The following IL17RD variants were observed in gnomAD, a reference collection of about 807,000 sequenced individuals.
The protein encoded by IL17RD is interleukin 17 receptor D.
In IL17RD, 52 loss-of-function variants were observed where a neutral mutation model predicts 80.5. The observed-to-expected ratio is 0.65, with a 90% CI of 0.52 to 0.81. The LOEUF (loss-of-function observed/expected upper bound fraction) is 0.81, where lower values mean the gene tolerates loss of function less well. Ranked by LOEUF, IL17RD falls within the 40% of genes least tolerant of loss-of-function variation. IL17RD has a pLI of 0.00. For synonymous variants in IL17RD, 416 were observed against 391.8 expected (o/e 1.06, Z -0.73); for missense variants, 1,024 against 955.1 (o/e 1.07, Z -0.95).
Position 57,127,412 on chromosome 3 carries a change from A to ATATATATATTTTT in IL17RD, c.127-7100_127-7099insAAAAATATATATA, listed in dbSNP as rs1246159104. ...AATAAATAAATATATATATATATAT[A>ATATATATATTTTT]TTTTTTTTTTGAGATAAGAGTCTTG... On this transcript the variant is annotated intron_variant, in intron 1 of 12. Coordinates refer to ENST00000296318, the MANE Select transcript of IL17RD (RefSeq NM_017563.5). 2.5e-4 allele frequency among the ~76,000 whole-genome samples: 23 copies of ATATATATATTTTT among 91,214 alleles called. 1 individual carries two copies. The highest frequency in any genetic ancestry group is 1.1e-3 in the African/African-American group (23 of 20,442). The allele number at this position is 91,214 out of a possible 152,430, so 59.8% of individuals were successfully genotyped here. A position where few individuals can be genotyped will look rare whatever the true frequency, so the allele number is the denominator to read the frequency against.
intron 2 of IL17RD, among the ~76,000 whole-genome samples, chr3:57,118,128 G>A (rs1707255236): frequency 6.6e-6 from 1 of 152,164 alleles, no homozygotes; most frequent in South Asian, 2.1e-4. Flanking sequence ...AGGACCAAGA[G>A]CACATATTAG....
At chr3:57,127,273 AAAATATATAT>A (rs1374632677) in intron 1 of IL17RD, among the ~76,000 whole-genome samples, 8,490 of 81,312 alleles carry the variant, frequency 0.1, 1,128 homozygotes, top group Middle Eastern at 0.18. Context: ...AATATATATA[AAAATATATAT>A]AAATATATAT....
intron 1 of IL17RD, among the ~76,000 whole-genome samples, chr3:57,151,484 G>A (rs1290030304): frequency 6.6e-6 from 1 of 152,178 alleles, no homozygotes; most frequent in Non-Finnish European, 1.5e-5. Context: ...GTCTTGGAGA[G>A]TTTCATGGAA....
intron 1 of IL17RD, among the ~76,000 whole-genome samples, chr3:57,160,705 A>AATC (rs1183521177): frequency 6.6e-6 from 1 of 152,228 alleles, no homozygotes; most frequent in African/African-American, 2.4e-5. Flanking sequence ...CTCTGATTTT[A>AATC]AATGTTTAGA....
intron 3 of IL17RD, 63 bp downstream of exon 3, chr3:57,114,629 G>A: frequency 6.7e-7 from 1 of 1,482,540 alleles, no homozygotes; most frequent in Non-Finnish European, 9.0e-7. Flanking sequence ...CATCATGTGG[G>A]ACCTTTGCAC....
chr3:57,103,420 C>G (rs577147775), intron 8 of IL17RD, among the ~76,000 whole-genome samples: 1 of 152,286 alleles, frequency 6.6e-6, no homozygotes, highest in Non-Finnish European at 1.5e-5. Flanking sequence ...AAGAAGTCAG[C>G]TGGTGAGTCC....
chr3:57,147,313 A>C lies in IL17RD; in HGVS notation c.126+17848T>G, dbSNP rs114858142. Among the ~76,000 whole-genome samples, 1,364 of 152,340 alleles carry C rather than the reference A, an allele frequency of 9.0e-3. 25 individuals carry two copies. Among genetic ancestry groups the C allele is most frequent in the African/African-American group, 0.031 (1,302 of 41,568 alleles). On this transcript the variant is annotated intron_variant, in intron 1 of 12. Transcript: ENST00000296318. ...CCCTGGGAGATGAACTATTAATAAC[A>C]CATTTTACAGATGAAGAAATAGCCT...
At chr3:57,161,483 T>C (rs2060304655) in intron 1 of IL17RD, among the ~76,000 whole-genome samples, 1 of 152,230 alleles carries the variant, frequency 6.6e-6, no homozygotes, top group Non-Finnish European at 1.5e-5. Context: ...TTGCATTTCA[T>C]TGTAAAGATG....
rs566786780 is a variant in IL17RD at position 57,126,047 on chromosome 3, G to T, written c.127-5734C>A. Among the ~76,000 whole-genome samples, 88 of 152,324 alleles carry T rather than the reference G, an allele frequency of 5.8e-4. 3 individuals are homozygous for T. In the South Asian group the frequency reaches 0.017, roughly 29 times the overall value. ...AGGCAACTTACAAGGCTGTTGACCAGCTTTGTAAACTGTTCTTCAAGAAAC... is the reference window on the plus strand; with the variant it reads ...AGGCAACTTACAAGGCTGTTGACCATCTTTGTAAACTGTTCTTCAAGAAAC... On this transcript the variant is annotated intron_variant, in intron 1 of 12. Coordinates refer to ENST00000296318, the MANE Select transcript of IL17RD (RefSeq NM_017563.5).
chr3:57,135,684 A>G (rs1707710070), intron 1 of IL17RD, among the ~76,000 whole-genome samples: 1 of 152,206 alleles, frequency 6.6e-6, no homozygotes. Context: ...TCTGGGTGAA[A>G]TATGTAAGAT....
rs565581326 is a variant in IL17RD at position 57,120,938 on chromosome 3, A to T, written c.127-625T>A. 1.1e-4 allele frequency among the ~76,000 whole-genome samples: 16 copies of T among 152,378 alleles called. 1 individual carries two copies. The East Asian group carries it at 3.1e-3, about 29-fold the overall frequency. ...ACTCTTGGTGATGTGGCCGTCAGCC[A>T]TCTGCACTCAATACCAGGGCTAACA... On this transcript the variant is annotated intron_variant, in intron 1 of 12. Coordinates refer to ENST00000296318, the MANE Select transcript of IL17RD (RefSeq NM_017563.5).
chr3:57,129,525 T>TA (rs1707563347), intron 1 of IL17RD, among the ~76,000 whole-genome samples: 1 of 152,118 alleles, frequency 6.6e-6, no homozygotes, highest in Non-Finnish European at 1.5e-5. Flanking sequence ...AGTCTCCAAA[T>TA]ACTAAGCCAC....
chr3:57,138,607 G>C (rs1420679738), intron 1 of IL17RD, among the ~76,000 whole-genome samples: 2 of 152,068 alleles, frequency 1.3e-5, no homozygotes, highest in Admixed American at 6.6e-5. Context: ...CTCTTATTTG[G>C]GGAAGTCGGA....
chr3:57,119,074 C>CG (rs1381379036), intron 2 of IL17RD, among the ~76,000 whole-genome samples: 1 of 151,982 alleles, frequency 6.6e-6, no homozygotes, highest in Non-Finnish European at 1.5e-5. Flanking sequence ...GGTGTGTGGC[C>CG]GGGCGCGGTG....
chr3:57,150,581 G>C (rs1344404415), intron 1 of IL17RD: 2 of 152,244 alleles, frequency 1.3e-5, no homozygotes, highest in Non-Finnish European at 2.9e-5. Context: ...ATGTTCAAAG[G>C]CTGGGCAGTC....
chr3:57,165,373 C>G, upstream of IL17RD: 2 of 1,141,776 alleles, frequency 1.8e-6, no homozygotes, highest in African/African-American at 1.6e-5. Context: ...CCGCGGCGGC[C>G]GCGGCGGCAG....
intron 3 of IL17RD, among the ~76,000 whole-genome samples, chr3:57,112,949 A>G (rs894152206): frequency 6.6e-6 from 1 of 152,196 alleles, no homozygotes; most frequent in Non-Finnish European, 1.5e-5. Flanking sequence ...CTCTCTGAAA[A>G]TGTACCATGT....
chr3:57,160,131 C>T (rs577548643), intron 1 of IL17RD, among the ~76,000 whole-genome samples: 1 of 152,134 alleles, frequency 6.6e-6, no homozygotes, highest in East Asian at 1.9e-4. Context: ...GAGATCATGC[C>T]AATGCACTCC....
At chr3:57,164,059 C>G (rs2060327105) in intron 1 of IL17RD, among the ~76,000 whole-genome samples, 1 of 152,204 alleles carries the variant, frequency 6.6e-6, no homozygotes, top group Admixed American at 6.5e-5. Flanking sequence ...CAAACCACTC[C>G]ATACCTATCC....
Sources: allele counts gnomAD v4.1 joint callset (sites outside exome capture counted in the v4.1 genomes callset), GRCh38; gene constraint gnomAD v4.1.1; transcripts MANE v1.5; gene names NCBI Gene and HGNC (gene_info 2026-07-23, HGNC 2026-07-21).